NPAS3: variants seen among roughly 807,000 people sequenced by gnomAD.
The protein encoded by NPAS3 is neuronal PAS domain protein 3.
NPAS3 carries 14 observed loss-of-function variants against 73.1 expected under a neutral mutation model. That is an observed-to-expected ratio of 0.19 (90% CI 0.13 to 0.30). The LOEUF (loss-of-function observed/expected upper bound fraction) is 0.30, where lower values mean the gene tolerates loss of function less well. NPAS3 is among the 10% of genes least tolerant of loss of function. NPAS3 has a pLI of 1.00. For synonymous variants in NPAS3, 620 were observed against 541.5 expected (o/e 1.14, Z -2.01); for missense variants, 1,096 against 1,250.0 (o/e 0.88, Z 1.86).
intron 2 of NPAS3, among the ~76,000 whole-genome samples, chr14:33,101,852 C>T (rs957860315): frequency 2.0e-5 from 3 of 152,084 alleles, no homozygotes; most frequent in Non-Finnish European, 2.9e-5. Context: ...TCTTGAGCTC[C>T]CTGCTAAAAC....
chr14:33,298,885 T>C (rs1266430202), intron 3 of NPAS3, among the ~76,000 whole-genome samples: 1 of 152,234 alleles, frequency 6.6e-6, no homozygotes, highest in African/African-American at 2.4e-5. Context: ...CTTCTTTTCC[T>C]ATTTGCCAAC....
At chr14:33,060,369 C>A (rs527802966) in intron 2 of NPAS3, among the ~76,000 whole-genome samples, 2 of 152,300 alleles carry the variant, frequency 1.3e-5, no homozygotes, top group Middle Eastern at 3.4e-3. Flanking sequence ...ATGGCAGTTT[C>A]AATTACTAAC....
intron 3 of NPAS3, among the ~76,000 whole-genome samples, chr14:33,363,258 G>C (rs1001066455): frequency 1.3e-5 from 2 of 152,146 alleles, no homozygotes; most frequent in African/African-American, 4.8e-5. Context: ...CCAAAGAAGG[G>C]TTGCCTTTTA....
chr14:33,280,038 G>A (rs1255161506), intron 3 of NPAS3, among the ~76,000 whole-genome samples: 1 of 152,154 alleles, frequency 6.6e-6, no homozygotes, highest in Admixed American at 6.5e-5. Context: ...CTGTGTGAAG[G>A]CAAGCGTGTA....
rs139470593 is a variant in NPAS3, at chr14:33,498,168, T to C, written c.469-61953T>C. 1.2e-3 allele frequency among the ~76,000 whole-genome samples: 182 copies of C among 152,122 alleles called. 3 individuals are homozygous for C. Among genetic ancestry groups the C allele is most frequent in the African/African-American group, 4.1e-3 (170 of 41,536 alleles). On this transcript the variant is annotated intron_variant, in intron 4 of 11. Coordinates refer to ENST00000356141, the Ensembl canonical transcript of NPAS3. ...TGCTATCTCCCACCATTTAGAATGG[T>C]GATCATTAAAAAGTCAGCAGACAAC...
chr14:32,966,957 G>A (rs2037198977), intron 1 of NPAS3, among the ~76,000 whole-genome samples: 1 of 152,172 alleles, frequency 6.6e-6, no homozygotes, highest in Non-Finnish European at 1.5e-5. Flanking sequence ...CTTCTGCACA[G>A]TGAAGGAAAC....
intron 4 of NPAS3, among the ~76,000 whole-genome samples, chr14:33,447,371 T>C (rs968255257): frequency 3.8e-4 from 58 of 152,306 alleles, no homozygotes; most frequent in African/African-American, 1.3e-3. Context: ...GTGCGTGTGC[T>C]GTGAGTGTGT....
chr14:33,035,029 A>G (rs1357042597), intron 1 of NPAS3, among the ~76,000 whole-genome samples: 1 of 152,258 alleles, frequency 6.6e-6, no homozygotes, highest in African/African-American at 2.4e-5. Flanking sequence ...CCAATCACAT[A>G]CATCTGATAC....
intron 5 of NPAS3, among the ~76,000 whole-genome samples, chr14:33,662,106 T>G (rs2059324926): frequency 6.6e-6 from 1 of 152,248 alleles, no homozygotes; most frequent in Non-Finnish European, 1.5e-5. Context: ...GCAAGGTTTA[T>G]GGTAGCTGTT....
intron 6 of NPAS3, among the ~76,000 whole-genome samples, chr14:33,734,453 A>G (rs1055839096): frequency 1.3e-5 from 2 of 152,218 alleles, no homozygotes; most frequent in Non-Finnish European, 2.9e-5. Flanking sequence ...TTAGTCTAAA[A>G]GTACATAAAA....
intron 3 of NPAS3, among the ~76,000 whole-genome samples, chr14:33,304,770 A>G (rs889110809): frequency 6.6e-6 from 1 of 152,080 alleles, no homozygotes; most frequent in South Asian, 2.1e-4. Flanking sequence ...ATGCATGTTT[A>G]TTTCATTTTC....
chr14:33,539,064 G>T (rs979437814), intron 4 of NPAS3, among the ~76,000 whole-genome samples: 2 of 152,116 alleles, frequency 1.3e-5, no homozygotes, highest in Non-Finnish European at 2.9e-5. Flanking sequence ...GAGGGAGGGG[G>T]AATCAATGAA....
intron 4 of NPAS3, among the ~76,000 whole-genome samples, chr14:33,473,016 T>C (rs2050857769): frequency 6.6e-6 from 1 of 151,876 alleles, no homozygotes; most frequent in South Asian, 2.1e-4. Context: ...ACTGTAAGCA[T>C]GTTTGCTTGA....
At position 33,646,401 on chromosome 14, in the gene NPAS3, ATATTTGCCAT is replaced by A. The variant is rs567506500; in HGVS notation, c.559-29804_559-29795del. Among the ~76,000 whole-genome samples, 8 of 152,248 alleles carry A rather than the reference ATATTTGCCAT, an allele frequency of 5.3e-5. No individual in the cohort carries two copies. In the East Asian group the frequency reaches 1.5e-3, roughly 29 times the overall value. On this transcript the variant is annotated intron_variant, in intron 5 of 11. Transcript: ENST00000356141. The stretch of plus-strand genomic sequence containing the variant: ...TTCTCTCCAGCCTTAGAATGTGTGT[ATATTTGCCAT>A]TATTTTATCTAGTAAATGGATGTCT...
intron 3 of NPAS3, among the ~76,000 whole-genome samples, chr14:33,346,846 T>C (rs1048547541): frequency 1.3e-5 from 2 of 152,142 alleles, no homozygotes; most frequent in Non-Finnish European, 2.9e-5. Flanking sequence ...GGCACTAACA[T>C]GGTGGGAAGC....
At chr14:33,482,501 G>T (rs1317658801) in intron 4 of NPAS3, among the ~76,000 whole-genome samples, 2 of 152,152 alleles carry the variant, frequency 1.3e-5, no homozygotes, top group Non-Finnish European at 2.9e-5. Flanking sequence ...TAAGATTACA[G>T]AAGTTGAAAC....
intron 4 of NPAS3, among the ~76,000 whole-genome samples, chr14:33,371,076 A>G (rs1037485012): frequency 1.3e-5 from 2 of 152,144 alleles, no homozygotes; most frequent in African/African-American, 4.8e-5. Context: ...AGGAGAGCCC[A>G]CTGTGGGGTA....
At chr14:33,340,581 A>G (rs1276039214) in intron 3 of NPAS3, among the ~76,000 whole-genome samples, 2 of 152,238 alleles carry the variant, frequency 1.3e-5, no homozygotes, top group Non-Finnish European at 2.9e-5. Flanking sequence ...TACCACTTGA[A>G]TATTATTTAT....
chr14:32,979,691 T>G (rs8003608), intron 1 of NPAS3, among the ~76,000 whole-genome samples: 25,712 of 152,222 alleles, frequency 0.17, 2,568 homozygotes, highest in African/African-American at 0.28. Flanking sequence ...ATGCATCATA[T>G]TACAATGAAT....
Sources: gnomAD v4.1 joint callset for allele counts (sites outside exome capture counted in the v4.1 genomes callset) on GRCh38, gnomAD v4.1.1 for gene constraint, MANE v1.5 for transcripts, NCBI Gene and HGNC (gene_info 2026-07-23, HGNC 2026-07-21) for gene names.